Variants in PRPF8 observed in about 807,000 individuals in gnomAD.
The protein encoded by PRPF8 is pre-mRNA-processing-splicing factor 8.
A neutral mutation model predicts 285.9 loss-of-function variants in PRPF8; 64 were observed. The observed-to-expected ratio is 0.22, with a 90% CI of 0.18 to 0.28. The LOEUF (loss-of-function observed/expected upper bound fraction) is 0.28. PRPF8 is among the 10% of genes least tolerant of loss of function. The pLI is 1.00. For synonymous variants in PRPF8, 1,325 were observed against 1,118.2 expected, an observed-to-expected ratio of 1.18 and a Z score of -3.69; for missense variants, 1,426 against 3,026.7, an observed-to-expected ratio of 0.47 and a Z score of 12.41.
chr17:1,672,326 C>G (rs956507562), intron 24 of PRPF8, among the ~76,000 whole-genome samples: 4 of 152,174 alleles, frequency 2.6e-5, no homozygotes, highest in African/African-American at 7.2e-5. Context: ...GTCGCCCAGG[C>G]TAGAGTGCAA....
intron 2 of PRPF8, 151 bp downstream of exon 2, chr17:1,684,321 C>A: frequency 1.2e-6 from 1 of 811,140 alleles, no homozygotes; most frequent in East Asian, 2.7e-5. Context: ...AAATAATACG[C>A]GCTTAAAATG....
At position 1,661,802 on chromosome 17, in the gene PRPF8, T is replaced by TACA. The variant is rs771461988; in HGVS notation, c.4023-15_4023-13dup. On this transcript the variant is annotated splice_polypyrimidine_tract_variant and intron_variant, in intron 25 of 42. Coordinates refer to ENST00000304992, the MANE Select transcript of PRPF8 (RefSeq NM_006445.4). This position sits in a 1 kb window ranked among gnomAD's most constrained non-coding sequence, Gnocchi z 7.3. ...TCTGTTTGGACCACCTGTTTGGGTG[T>TACA]ACAACCAAGATTACAGAAAAAATAA... 6.2e-7 allele frequency: 1 copy of TACA among 1,614,170 alleles called. No individual in the cohort carries two copies. The highest frequency in any genetic ancestry group is 1.1e-5 in the South Asian group (1 of 91,090).
chr17:1,684,429 G>GCC (rs1567694724), intron 2 of PRPF8, 43 bp downstream of exon 2: 2 of 1,606,210 alleles, frequency 1.2e-6, no homozygotes, highest in Admixed American at 3.3e-5. Context: ...GCGCACACCC[G>GCC]CCCCGCCTCC....
In PRPF8 at chr17:1,680,718, T is replaced by A. The variant is rs143435682; in HGVS notation, c.1098+8A>T. Reference sequence around the variant, plus strand: ...GAGCTGAGGGAAAGCATCCCTTCCCTTCCTCACCTTGACTGAGTGCCTATG... The same window carrying A: ...GAGCTGAGGGAAAGCATCCCTTCCCATCCTCACCTTGACTGAGTGCCTATG... On this transcript the variant is annotated splice_region_variant and intron_variant, in intron 8 of 42. Transcript: ENST00000304992. The A allele has an allele frequency of 6.2e-7, 1 of 1,606,522 alleles. No homozygotes were observed. Among genetic ancestry groups the A allele is most frequent in the Non-Finnish European group, 8.5e-7 (1 of 1,173,020 alleles).
intron 24 of PRPF8, among the ~76,000 whole-genome samples, chr17:1,665,115 G>A (rs532200442): frequency 1.4e-5 from 2 of 138,868 alleles, no homozygotes; most frequent in South Asian, 2.2e-4. Context: ...AGCCGAGATC[G>A]TGCCACTGCA....
chr17:1,684,635 G>C, intron 1 of PRPF8, 53 bp from the exon 2 acceptor site: 3 of 1,560,982 alleles, frequency 1.9e-6, no homozygotes, highest in Non-Finnish European at 2.6e-6. Flanking sequence ...GGGCCCACAA[G>C]AAGCGCAGCA....
Position 1,651,134 on chromosome 17 carries a change from T to C in PRPF8, c.6827A>G (p.Gln2276Arg). The C allele has an allele frequency of 6.2e-7, 1 of 1,614,146 alleles. No individual in the cohort carries two copies. Among genetic ancestry groups the C allele is most frequent in the Admixed American group, 1.7e-5 (1 of 60,026 alleles). ...RFLGFFMVPA[Q>R]SSWNYNFMGV... ...CATGAAGTTGTAGTTCCACGAGGAC[T>C]GGGCAGGGACCATGAAGAAGCCAAG... The change falls in exon 42 of 43, where the codon CAG becomes CGG. Residue 2276 changes from glutamine to arginine, a missense_variant. Gln to Arg is a conservative substitution (Grantham distance 43, BLOSUM62 1). This residue lies in a region of PRPF8 where 160 missense variants were observed against 373.7 expected (regional missense o/e 0.43). Transcript: ENST00000304992. This position sits in a 1 kb window ranked among gnomAD's most constrained non-coding sequence, Gnocchi z 5.1.
chr17:1,664,224 G>A (rs997146841), intron 24 of PRPF8, among the ~76,000 whole-genome samples: 1 of 151,964 alleles, frequency 6.6e-6, no homozygotes, highest in African/African-American at 2.4e-5. Flanking sequence ...GTAGAAATGG[G>A]GTTTCGCTAT....
Position 1,681,047 on chromosome 17 carries a change from C to T in PRPF8, c.874G>A (p.Asp292Asn). ...TTAATATCATTGAATTCATTCCAGTCTTCATCCCTAGGGTACAACATCAAG... is the reference window on the plus strand; with the variant it reads ...TTAATATCATTGAATTCATTCCAGTTTTCATCCCTAGGGTACAACATCAAG... ...LVRDINLQDE[D>N]WNEFNDINKI... Residue 292 changes from aspartate (D) to asparagine (N), a missense_variant, in exon 7 of 43, where the codon GAC becomes AAC. Around this residue, in one of 34 missense-constraint regions of PRPF8, gnomAD observed 157 missense variants for 159.6 expected, o/e 0.98. Transcript: ENST00000304992. The T allele has an allele frequency of 6.2e-7, 1 of 1,612,924 alleles. No individual in the cohort carries two copies. Among genetic ancestry groups the T allele is most frequent in the Non-Finnish European group, 8.5e-7 (1 of 1,179,410 alleles).
At chr17:1,684,431 C>A in intron 2 of PRPF8, 41 bp downstream of exon 2, 1 of 1,608,636 alleles carries the variant, frequency 6.2e-7, no homozygotes, top group Non-Finnish European at 8.5e-7. Flanking sequence ...GCACACCCGC[C>A]CCGCCTCCGG....
Position 1,650,970 on chromosome 17 carries a change from G to A in PRPF8, c.6854-14C>T. On this transcript the variant is annotated splice_polypyrimidine_tract_variant and intron_variant, in intron 42 of 42. Coordinates refer to ENST00000304992, the MANE Select transcript of PRPF8 (RefSeq NM_006445.4). ...CATGCCGAACACCTTCGGGGAGAAG[G>A]AAACAGCCAATGTTAACAGGGCTCC... 1 of 1,614,168 alleles carries A rather than the reference G, an allele frequency of 6.2e-7. No individual in the cohort carries two copies. Among genetic ancestry groups the A allele is most frequent in the Non-Finnish European group, 8.5e-7 (1 of 1,180,036 alleles).
In PRPF8 at chr17:1,681,667, T is replaced by A. The variant is rs778194866; in HGVS notation, c.677A>T (p.Gln226Leu). 6 of 1,614,108 alleles carry A rather than the reference T, an allele frequency of 3.7e-6. No homozygotes were observed. In the South Asian group the frequency reaches 5.5e-5, roughly 15 times the overall value. The change falls in exon 6 of 43, where the codon CAG becomes CTG. Residue 226 changes from glutamine to leucine, a missense_variant. Coordinates refer to ENST00000304992, the MANE Select transcript of PRPF8 (RefSeq NM_006445.4). ...SRKYVNGSTYQRWQFTLPMMS... is the reference protein window; with the variant it reads ...SRKYVNGSTYLRWQFTLPMMS... ...CATAGGTAGTGTGAACTGCCAGCGCTGGTAAGTGGAGCCATTTACATACCT... is the reference window on the plus strand; with the variant it reads ...CATAGGTAGTGTGAACTGCCAGCGCAGGTAAGTGGAGCCATTTACATACCT...
At chr17:1,656,211 C>G (rs571794624) in intron 36 of PRPF8, among the ~76,000 whole-genome samples, 181 bp downstream of exon 36, 28 of 152,318 alleles carry the variant, frequency 1.8e-4, no homozygotes, top group African/African-American at 6.0e-4. Flanking sequence ...GCGTGAGCCA[C>G]CACGCCCGGC....
chr17:1,653,327 A>G lies in PRPF8; in HGVS notation c.6369+215T>C. 3.1e-6 allele frequency: 2 copies of G among 655,436 alleles called. No homozygotes were observed. Among genetic ancestry groups the G allele is most frequent in the South Asian group, 3.6e-5 (2 of 55,918 alleles). 40.6% of individuals were successfully genotyped at this position (655,436 alleles called of 1,614,324 possible). A position where few individuals can be genotyped will look rare whatever the true frequency, so the allele number is the denominator to read the frequency against. On this transcript the variant is annotated intron_variant, in intron 39 of 42. Coordinates refer to ENST00000304992, the MANE Select transcript of PRPF8 (RefSeq NM_006445.4). This position sits in a 1 kb window ranked among gnomAD's most constrained non-coding sequence, Gnocchi z 4.9. ...TATCTGTTCTCTTCCAAATACTATCAGGCCAATACTACAATTACTACCTTC... is the reference window on the plus strand; with the variant it reads ...TATCTGTTCTCTTCCAAATACTATCGGGCCAATACTACAATTACTACCTTC...
Position 1,661,061 on chromosome 17 carries a change from A to G in PRPF8, c.4440T>C (p.Gly1480=), listed in dbSNP as rs1415484765. 5 of 1,614,052 alleles carry G rather than the reference A, an allele frequency of 3.1e-6. No individual in the cohort carries two copies. Among genetic ancestry groups the G allele is most frequent in the Non-Finnish European group, 4.2e-6 (5 of 1,180,004 alleles). The change falls in exon 28 of 43, where the codon GGT becomes GGC. Residue 1480 remains glycine (G), a synonymous_variant. Transcript: ENST00000304992. This position sits in a 1 kb window ranked among gnomAD's most constrained non-coding sequence, Gnocchi z 7.3. ...GTGTGTGTTCCAGAATGCCTTCCAC[A>G]CCGCCCAGGGCCTGGATCATGTCTG... ...YRTDMIQALG[G]VEGILEHTLF... is the part of the protein sequence containing the mutation.
Position 1,658,889 on chromosome 17 carries a change from C to T in PRPF8, c.5139-126G>A. On this transcript the variant is annotated intron_variant, in intron 32 of 42. Coordinates refer to ENST00000304992, the MANE Select transcript of PRPF8 (RefSeq NM_006445.4). This position sits in a 1 kb window ranked among gnomAD's most constrained non-coding sequence, Gnocchi z 4.1. Reference sequence around the variant, plus strand: ...GCTGACAACACTCTGCTCATGTGTACATACAGGCTGGAGAAGAGAATCAGT... The same window carrying T: ...GCTGACAACACTCTGCTCATGTGTATATACAGGCTGGAGAAGAGAATCAGT... The T allele has an allele frequency of 2.4e-6, 2 of 837,790 alleles. No homozygotes were observed. Among genetic ancestry groups the T allele is most frequent in the Non-Finnish European group, 4.0e-6 (2 of 494,328 alleles). The allele number at this position is 837,790 out of a possible 1,614,324, so 51.9% of individuals were successfully genotyped here.
At chr17:1,667,342 G>C (rs566466617) in intron 24 of PRPF8, among the ~76,000 whole-genome samples, 45 of 152,322 alleles carry the variant, frequency 3.0e-4, no homozygotes, top group Admixed American at 4.6e-4. Flanking sequence ...CCCTGAAGGG[G>C]AGGAGGCATA....
At chr17:1,684,352 G>C (rs1913111361) in intron 2 of PRPF8, 120 bp downstream of exon 2, 2 of 987,226 alleles carry the variant, frequency 2.0e-6, no homozygotes, top group South Asian at 1.3e-5. Flanking sequence ...AAATTAACTG[G>C]AAATAACAAG....
In PRPF8 at chr17:1,680,776, A is replaced by G; in HGVS notation, c.1048T>C (p.Phe350Leu). The G allele has an allele frequency of 6.2e-7, 1 of 1,614,184 alleles. No individual in the cohort carries two copies. The highest frequency in any genetic ancestry group is 8.5e-7 in the Non-Finnish European group (1 of 1,180,018). ...GGGTTGATCAAAGGGTCAAAGTAGA[A>G]AGCTGGCAAGTCAGGATCCTCAGTT... ...IKTEDPDLPAFYFDPLINPIS... is the reference protein window; with the variant it reads ...IKTEDPDLPALYFDPLINPIS... Residue 350 changes from phenylalanine to leucine, a missense_variant, in exon 8 of 43, where the codon TTC becomes CTC. Physicochemically the swap from Phe to Leu is conservative, Grantham distance 22 (BLOSUM62 0). Around this residue, in one of 34 missense-constraint regions of PRPF8, gnomAD observed 10 missense variants for 29.5 expected, o/e 0.34. Transcript: ENST00000304992.
Sources: gnomAD v4.1 joint callset for allele counts (sites outside exome capture counted in the v4.1 genomes callset) on GRCh38, gnomAD v4.1.1 for gene constraint, gnomAD v4.1.1 regional missense constraint, Gnocchi (gnomAD v3.1) non-coding constraint, MANE v1.5 for transcripts, NCBI Gene and HGNC (gene_info 2026-07-23, HGNC 2026-07-21) for gene names.